NELL1: variants seen among roughly 807,000 people sequenced by gnomAD.
NELL1 encodes protein kinase C-binding protein NELL1.
In NELL1, 76 loss-of-function variants were observed where a neutral mutation model predicts 107.4. The ratio of observed to expected loss-of-function variants is 0.71; its 90% CI spans 0.59 to 0.86. The LOEUF (loss-of-function observed/expected upper bound fraction) is 0.86. NELL1 is among the 40% of genes least tolerant of loss of function. The pLI is 0.00. For synonymous variants in NELL1, 353 were observed against 341.2 expected, an observed-to-expected ratio of 1.03 and a Z score of -0.38; for missense variants, 1,024 against 1,005.5, an observed-to-expected ratio of 1.02 and a Z score of -0.25.
intron 15 of NELL1, among the ~76,000 whole-genome samples, chr11:21,413,311 G>A (rs1852426162): frequency 6.6e-6 from 1 of 151,798 alleles, no homozygotes. Flanking sequence ...TGGTAGTTTT[G>A]CAACTGCATC....
chr11:21,332,233 C>T (rs1013253665), intron 14 of NELL1, among the ~76,000 whole-genome samples: 13 of 151,938 alleles, frequency 8.6e-5, no homozygotes, highest in African/African-American at 2.4e-4. Flanking sequence ...CACTGCTTTG[C>T]GTTCAAAGGT....
chr11:21,476,349 A>G (rs1241857787), intron 15 of NELL1, among the ~76,000 whole-genome samples: 1 of 152,184 alleles, frequency 6.6e-6, no homozygotes, highest in East Asian at 1.9e-4. Flanking sequence ...AGAGGGTAGC[A>G]TACTCACTGA....
chr11:21,214,325 G>A (rs1297877110), intron 13 of NELL1, among the ~76,000 whole-genome samples: 1 of 152,076 alleles, frequency 6.6e-6, no homozygotes, highest in East Asian at 1.9e-4. Context: ...CAACCTATAT[G>A]TAAATATGAA....
At chr11:21,011,477 T>G (rs972568318) in intron 12 of NELL1, among the ~76,000 whole-genome samples, 3 of 152,152 alleles carry the variant, frequency 2.0e-5, no homozygotes, top group African/African-American at 7.2e-5. Context: ...TTTCCTATGT[T>G]GGACCAAAAT....
At chr11:21,044,819 G>T (rs1853317461) in intron 12 of NELL1, among the ~76,000 whole-genome samples, 1 of 152,118 alleles carries the variant, frequency 6.6e-6, no homozygotes, top group Non-Finnish European at 1.5e-5. Flanking sequence ...AATGAGAGCT[G>T]TAAAGTATAC....
At position 20,909,875 on chromosome 11, in the gene NELL1, T is replaced by C. The variant is rs577841675; in HGVS notation, c.604-8307T>C. On this transcript the variant is annotated intron_variant, in intron 5 of 19. Coordinates refer to ENST00000357134, the MANE Select transcript of NELL1 (RefSeq NM_006157.5). ...TTTGTATTTTAAGTGCTAGGGTACA[T>C]GTGCAGGATATTTTCCTGGAGCACC... Among the ~76,000 whole-genome samples the C allele has an allele frequency of 7.2e-5, 11 of 152,322 alleles. 1 individual carries two copies. The highest frequency in any genetic ancestry group is 2.2e-4 in the African/African-American group (9 of 41,578).
chr11:21,373,460 T>A (rs1851401046), intron 15 of NELL1, among the ~76,000 whole-genome samples: 1 of 152,132 alleles, frequency 6.6e-6, no homozygotes, highest in African/African-American at 2.4e-5. Flanking sequence ...GTTTTAATTT[T>A]AAGACTAAGT....
intron 15 of NELL1, among the ~76,000 whole-genome samples, chr11:21,518,324 G>T (rs1467274986): frequency 3.9e-5 from 6 of 152,082 alleles, no homozygotes; most frequent in Non-Finnish European, 8.8e-5. Context: ...ATATGGTGAA[G>T]CTCTCTAAAG....
intron 2 of NELL1, among the ~76,000 whole-genome samples, chr11:20,733,195 G>A (rs190167230): frequency 6.2e-4 from 95 of 152,264 alleles, no homozygotes; most frequent in African/African-American, 2.2e-3. Context: ...GGTTTTGAGA[G>A]TCTTTGTTCT....
chr11:21,178,474 T>G (rs900563718), intron 13 of NELL1, among the ~76,000 whole-genome samples: 15 of 151,932 alleles, frequency 9.9e-5, no homozygotes, highest in African/African-American at 3.4e-4. Flanking sequence ...TTTTCAATTA[T>G]AAAATTCTTT....
In NELL1 at chr11:20,861,138, G is replaced by A. The variant is rs146754062; in HGVS notation, c.506+13385G>A. Among the ~76,000 whole-genome samples the A allele has an allele frequency of 2.2e-3, 341 of 152,292 alleles. 1 individual carries two copies. Among genetic ancestry groups the A allele is most frequent in the African/African-American group, 7.6e-3 (317 of 41,554 alleles). ...TTTTAAAAATTATGTAAGGTGCAAA[G>A]TATTTAAAGATATACAATACCCATT... On this transcript the variant is annotated intron_variant, in intron 4 of 19. Coordinates refer to ENST00000357134, the MANE Select transcript of NELL1 (RefSeq NM_006157.5).
intron 14 of NELL1, among the ~76,000 whole-genome samples, chr11:21,285,189 T>A (rs1481874345): frequency 6.6e-6 from 1 of 152,234 alleles, no homozygotes; most frequent in Non-Finnish European, 1.5e-5. Flanking sequence ...GACAATTTTA[T>A]CTAAATGAAT....
intron 14 of NELL1, among the ~76,000 whole-genome samples, chr11:21,234,804 A>G (rs1168756940): frequency 6.6e-6 from 1 of 152,202 alleles, no homozygotes; most frequent in Admixed American, 6.5e-5. Flanking sequence ...AGAAAGAGTA[A>G]TGTGACAGAT....
intron 12 of NELL1, among the ~76,000 whole-genome samples, chr11:20,998,311 T>G (rs898183686): frequency 3.3e-5 from 5 of 152,214 alleles, no homozygotes; most frequent in Admixed American, 2.0e-4. Context: ...ACACTCCTGA[T>G]AGATTAATTT....
chr11:21,347,242 C>G (rs1850702203), intron 14 of NELL1, among the ~76,000 whole-genome samples: 1 of 151,964 alleles, frequency 6.6e-6, no homozygotes, highest in Non-Finnish European at 1.5e-5. Flanking sequence ...GGTGAGTGTT[C>G]TAGTCAAAGG....
At chr11:20,951,119 AGAAAAC>A (rs1851060653) in intron 11 of NELL1, among the ~76,000 whole-genome samples, 5 of 152,338 alleles carry the variant, frequency 3.3e-5, no homozygotes, top group Admixed American at 3.3e-4. Context: ...TGGGAATTTG[AGAAAAC>A]TTCCAGAGAG....
intron 12 of NELL1, among the ~76,000 whole-genome samples, chr11:21,066,576 A>G (rs984128571): frequency 1.3e-5 from 2 of 152,184 alleles, no homozygotes; most frequent in African/African-American, 2.4e-5. Context: ...AAAGGTTGCT[A>G]TCATTCATTC....
chr11:21,551,898 C>A (rs1856597067), intron 16 of NELL1, among the ~76,000 whole-genome samples: 1 of 148,084 alleles, frequency 6.8e-6, no homozygotes, highest in Non-Finnish European at 1.5e-5. Context: ...AAATGTCCAA[C>A]AATGATAGAC....
In NELL1 at chr11:21,358,029, G is replaced by A. The variant is rs909642850; in HGVS notation, c.1550-12824G>A. Among the ~76,000 whole-genome samples, 13 of 152,080 alleles carry A rather than the reference G, an allele frequency of 8.5e-5. 1 individual carries two copies. Among genetic ancestry groups the A allele is most frequent in the Non-Finnish European group, 1.3e-4 (9 of 68,038 alleles). On this transcript the variant is annotated intron_variant, in intron 14 of 19. Transcript: ENST00000357134. ...ATGCCTATTTTTATACTAGTATCAC[G>A]CTGTTTTGATAACTATAGCCTTGTA... is the stretch of plus-strand genomic sequence containing the variant.
Sources: allele counts gnomAD v4.1 joint callset (sites outside exome capture counted in the v4.1 genomes callset), GRCh38; gene constraint gnomAD v4.1.1; transcripts MANE v1.5; gene names NCBI Gene and HGNC (gene_info 2026-07-23, HGNC 2026-07-21).